DNAAF5: variants seen among roughly 807,000 people sequenced by gnomAD.
DNAAF5 encodes dynein axonemal assembly factor 5, also known as HEAT repeat containing 2.
Under a neutral mutation model 75.8 loss-of-function variants are expected in DNAAF5, and 64 were observed. The ratio of observed to expected loss-of-function variants is 0.84; its 90% CI spans 0.69 to 1.04. The LOEUF (loss-of-function observed/expected upper bound fraction) is 1.04. DNAAF5 is among the 50% of genes least tolerant of loss of function. The probability of loss-of-function intolerance (pLI) is 0.00; values close to 1 mark genes in which losing one functional copy is unlikely to be tolerated. For synonymous variants in DNAAF5, 657 were observed against 557.2 expected, an observed-to-expected ratio of 1.18 and a Z score of -2.52; for missense variants, 1,269 against 1,178.5, an observed-to-expected ratio of 1.08 and a Z score of -1.12.
chr7:735,935 TG>T (rs1033209586), intron 2 of DNAAF5, among the ~76,000 whole-genome samples: 80 of 152,356 alleles, frequency 5.3e-4, no homozygotes, highest in African/African-American at 1.8e-3. Context: ...CTCTTAGTGC[TG>T]CTTTTGCTGT....
At chr7:785,157 C>T (rs957385564) in intron 12 of DNAAF5, among the ~76,000 whole-genome samples, 4 of 152,240 alleles carry the variant, frequency 2.6e-5, no homozygotes, top group Non-Finnish European at 5.9e-5. Flanking sequence ...CACTTGTATC[C>T]ACATTATGAT....
intron 2 of DNAAF5, among the ~76,000 whole-genome samples, chr7:738,280 A>G (rs1781796917): frequency 1.3e-5 from 2 of 152,090 alleles, no homozygotes; most frequent in South Asian, 4.2e-4. Flanking sequence ...AATTATTTCA[A>G]TATCTGTTAA....
intron 2 of DNAAF5, among the ~76,000 whole-genome samples, chr7:738,474 G>A (rs1178030786): frequency 1.3e-5 from 2 of 152,038 alleles, no homozygotes; most frequent in Non-Finnish European, 2.9e-5. Flanking sequence ...CCTGATGCTT[G>A]TGGCTGTTGG....
chr7:775,832 G>A (rs1302156991), intron 11 of DNAAF5, among the ~76,000 whole-genome samples: 1 of 151,514 alleles, frequency 6.6e-6, no homozygotes, highest in African/African-American at 2.4e-5. Flanking sequence ...TCGTGTGGAT[G>A]TTACATTTAG....
chr7:752,747 T>G (rs1032928569), intron 4 of DNAAF5, among the ~76,000 whole-genome samples: 1 of 152,254 alleles, frequency 6.6e-6, no homozygotes, highest in African/African-American at 2.4e-5. Flanking sequence ...AAATGAACAC[T>G]TCTGCTTTTT....
intron 2 of DNAAF5, among the ~76,000 whole-genome samples, 191 bp from the exon 3 acceptor site, chr7:740,628 G>T (rs1177681415): frequency 6.6e-6 from 1 of 152,242 alleles, no homozygotes; most frequent in Non-Finnish European, 1.5e-5. Context: ...CCCAGGCTTG[G>T]TGGCGCCCAG....
At chr7:773,007 G>A (rs1778624199) in intron 9 of DNAAF5, 1 of 151,848 alleles carries the variant, frequency 6.6e-6, no homozygotes, top group South Asian at 2.1e-4. Context: ...ACTCCTAGGT[G>A]GCGCCCGTGT....
At chr7:729,931 C>T in intron 2 of DNAAF5, 84 bp downstream of exon 2, 1 of 1,361,858 alleles carries the variant, frequency 7.3e-7, no homozygotes, top group Non-Finnish European at 1.0e-6. Context: ...CTCACTTGTT[C>T]TTTTTTCAGA....
chr7:763,519 C>T (rs1782729193), intron 7 of DNAAF5, among the ~76,000 whole-genome samples: 1 of 152,224 alleles, frequency 6.6e-6, no homozygotes, highest in Non-Finnish European at 1.5e-5. Flanking sequence ...CCGTGTAAGC[C>T]CCAGGACCAC....
intron 4 of DNAAF5, among the ~76,000 whole-genome samples, chr7:746,871 C>A (rs111801852): frequency 6.0e-4 from 92 of 152,342 alleles, no homozygotes; most frequent in African/African-American, 2.2e-3. Flanking sequence ...TCCTGTGTGT[C>A]CCTTCCAGGA....
intron 4 of DNAAF5, among the ~76,000 whole-genome samples, chr7:744,719 G>T (rs1366145985): frequency 6.6e-6 from 1 of 152,206 alleles, no homozygotes; most frequent in African/African-American, 2.4e-5. Flanking sequence ...CTGTAAACTA[G>T]TTCAACCATT....
chr7:772,982 TAAAA>T (rs1436226811), intron 9 of DNAAF5: 168 of 147,830 alleles, frequency 1.1e-3, no homozygotes, highest in African/African-American at 3.4e-3. Context: ...AAAAAAAATT[TAAAA>T]AAACCTAAGC....
At chr7:768,884 G>A in intron 8 of DNAAF5, 2 of 500,172 alleles carry the variant, frequency 4.0e-6, no homozygotes, top group Non-Finnish European at 7.2e-6. Flanking sequence ...GGGTGAAACA[G>A]TCAGAAACTG....
chr7:759,330 A>C (rs1373264498), intron 6 of DNAAF5, among the ~76,000 whole-genome samples: 1 of 152,220 alleles, frequency 6.6e-6, no homozygotes, highest in Non-Finnish European at 1.5e-5. Context: ...AGGTACTTCC[A>C]GGTGTCTCGG....
At chr7:731,899 G>A (rs1386182679) in intron 2 of DNAAF5, among the ~76,000 whole-genome samples, 3 of 151,994 alleles carry the variant, frequency 2.0e-5, no homozygotes, top group African/African-American at 4.8e-5. Flanking sequence ...GCTCCATGTG[G>A]GCTCCTTGCA....
chr7:769,168 G>A (rs1322507871), intron 8 of DNAAF5: 1 of 774,962 alleles, frequency 1.3e-6, no homozygotes, highest in Admixed American at 1.7e-5. Context: ...GCGCCAGGGA[G>A]AAGGCTCACA....
Position 761,997 on chromosome 7 carries a change from T to TTGAGCCCCAGGCCTCAAATATGTC in DNAAF5, c.1614+104_1614+105insGCCCCAGGCCTCAAATATGTCTGA. 3 of 1,326,996 alleles carry TTGAGCCCCAGGCCTCAAATATGTC rather than the reference T, an allele frequency of 2.3e-6. No individual in the cohort carries two copies. In the South Asian group the frequency reaches 4.5e-5, roughly 20 times the overall value. 82.2% of individuals were successfully genotyped at this position (1,326,996 alleles called of 1,614,324 possible). On this transcript the variant is annotated intron_variant, in intron 7 of 12. Coordinates refer to ENST00000297440, the MANE Select transcript of DNAAF5 (RefSeq NM_017802.4). ...TGTCTCCTATGCATCCCCTCTGTGC[T>TTGAGCCCCAGGCCTCAAATATGTC]TGACCAGCAAAGACCAGGGATTGAG...
chr7:774,189 G>C lies in DNAAF5; in HGVS notation c.2073G>C (p.Ser691=). Residue 691 remains serine, a synonymous_variant, in exon 10 of 13, where the codon TCG becomes TCC. Coordinates refer to ENST00000297440, the MANE Select transcript of DNAAF5 (RefSeq NM_017802.4). ...LWALTSSEVL[S]AEQIRDVQET... ...CGCTCACCAGCAGCGAGGTCCTGTC[G>C]GCAGAGCAGGTACGGGGCTCCCTGC... 6.2e-7 allele frequency: 1 copy of C among 1,607,598 alleles called. No individual in the cohort carries two copies. Among genetic ancestry groups the C allele is most frequent in the Non-Finnish European group, 8.5e-7 (1 of 1,179,188 alleles).
intron 12 of DNAAF5, among the ~76,000 whole-genome samples, chr7:784,936 G>T (rs1172381628): frequency 1.3e-5 from 2 of 152,106 alleles, no homozygotes; most frequent in Non-Finnish European, 2.9e-5. Context: ...GCAGCATCAG[G>T]TTCCTCATAT....
Sources: gnomAD v4.1 joint callset for allele counts (sites outside exome capture counted in the v4.1 genomes callset) on GRCh38, gnomAD v4.1.1 for gene constraint, MANE v1.5 for transcripts, NCBI Gene and HGNC (gene_info 2026-07-23, HGNC 2026-07-21) for gene names.